The following CHD5 variants were observed in gnomAD, a reference collection of about 807,000 sequenced individuals.
CHD5 encodes the protein ATP-dependent chromatin remodeler CHD5.
Under a neutral mutation model 230.3 loss-of-function variants are expected in CHD5, and 69 were observed. That is an observed-to-expected ratio of 0.30 (90% confidence interval 0.25 to 0.37). CHD5 has a LOEUF of 0.37. Among genes scored for constraint, CHD5 ranks in the 10% least tolerant of loss-of-function variants. The pLI is 1.00. For synonymous variants in CHD5, 1,064 were observed against 1,065.9 expected, an observed-to-expected ratio of 1.00 and a Z score of 0.03; for missense variants, 1,827 against 2,622.8, an observed-to-expected ratio of 0.70 and a Z score of 6.63.
chr1:6,110,580 AG>A, intron 36 of CHD5, 54 bp from the exon 37 acceptor site: 1 of 831,714 alleles, frequency 1.2e-6, no homozygotes. Context: ...GTGGGGCCGT[AG>A]GGGGAGGCAG....
chr1:6,149,501 A>G (rs1666966885), intron 7 of CHD5, 89 bp from the exon 8 acceptor site: 2 of 1,340,772 alleles, frequency 1.5e-6, no homozygotes, highest in Non-Finnish European at 2.0e-6. Flanking sequence ...ACAGGCACAG[A>G]GTAGATGTCT....
intron 33 of CHD5, among the ~76,000 whole-genome samples, chr1:6,116,122 T>C (rs1395543317): frequency 6.6e-6 from 1 of 152,212 alleles, no homozygotes; most frequent in Non-Finnish European, 1.5e-5. Flanking sequence ...CTGTTTATTG[T>C]GGATTGCCTG....
rs568640264 is a variant in CHD5, at chr1:6,128,034, C to T, written c.3903+12G>A. The T allele has an allele frequency of 2.5e-6, 4 of 1,588,556 alleles. No homozygotes were observed. In the African/African-American group the frequency reaches 5.4e-5, roughly 21 times the overall value. ...GCGGGGCTGCGGATGGAGGGCGGGC[C>T]GGGGACCTTACCACGCCGTCCTCCT... On this transcript the variant is annotated intron_variant, in intron 25 of 41. Coordinates refer to ENST00000262450, the MANE Select transcript of CHD5 (RefSeq NM_015557.3). This position sits in a 1 kb window ranked among gnomAD's most constrained non-coding sequence, Gnocchi z 7.8.
Position 6,142,721 on chromosome 1 carries a change from G to A in CHD5, c.2044-116C>T, listed in dbSNP as rs1214326491. The stretch of plus-strand genomic sequence containing the variant: ...TGGAACACTCTTCCCACTCCTGTCT[G>A]TCTTCCTAACTCTTCTCCAGTTCTT... On this transcript the variant is annotated intron_variant, in intron 13 of 41. Coordinates refer to ENST00000262450, the MANE Select transcript of CHD5 (RefSeq NM_015557.3). The surrounding 1 kb of genome is among the most constrained non-coding windows in gnomAD (Gnocchi z 5.2). 6 of 1,152,972 alleles carry A rather than the reference G, an allele frequency of 5.2e-6. No homozygotes were observed. The African/African-American group carries it at 9.2e-5, about 18-fold the overall frequency. 71.4% of individuals were successfully genotyped at this position (1,152,972 alleles called of 1,614,324 possible).
At position 6,142,698 on chromosome 1, in the gene CHD5, G is replaced by A. The variant is rs147305320; in HGVS notation, c.2044-93C>T. 1,271 of 1,318,400 alleles carry A rather than the reference G, an allele frequency of 9.6e-4. 1 individual carries two copies. Among genetic ancestry groups the A allele is most frequent in the Non-Finnish European group, 1.2e-3 (1,203 of 965,320 alleles). 81.7% of individuals were successfully genotyped at this position (1,318,400 alleles called of 1,614,324 possible). Reference sequence around the variant, plus strand: ...TTGCACATGCAATTCCTTCTGCCTGGAACACTCTTCCCACTCCTGTCTGTC... The same window carrying A: ...TTGCACATGCAATTCCTTCTGCCTGAAACACTCTTCCCACTCCTGTCTGTC... On this transcript the variant is annotated intron_variant, in intron 13 of 41. Coordinates refer to ENST00000262450, the MANE Select transcript of CHD5 (RefSeq NM_015557.3). The surrounding 1 kb of genome is among the most constrained non-coding windows in gnomAD (Gnocchi z 5.2).
At chr1:6,107,723 GGAGGGAT>G (rs1474635553) in intron 38 of CHD5, among the ~76,000 whole-genome samples, 2 of 91,102 alleles carry the variant, frequency 2.2e-5, no homozygotes, top group African/African-American at 5.0e-5. Flanking sequence ...GAGGGATGAT[GGAGGGAT>G]GAGGGATGAT....
chr1:6,173,048 G>A (rs1266038985), intron 1 of CHD5, among the ~76,000 whole-genome samples: 1 of 151,930 alleles, frequency 6.6e-6, no homozygotes, highest in Admixed American at 6.5e-5. Flanking sequence ...AACCTGCCAA[G>A]GACAGGGACC....
intron 6 of CHD5, 91 bp from the exon 7 acceptor site, chr1:6,151,246 G>A: frequency 1.4e-6 from 2 of 1,392,958 alleles, no homozygotes; most frequent in Non-Finnish European, 1.9e-6. Context: ...AAGCACGGAA[G>A]AGGCTCTGGA....
At chr1:6,137,599 C>T (rs1445459810) in intron 15 of CHD5, among the ~76,000 whole-genome samples, 1 of 152,146 alleles carries the variant, frequency 6.6e-6, no homozygotes, top group Non-Finnish European at 1.5e-5. Context: ...TCCCAATGTA[C>T]TGGGAATACA....
intron 31 of CHD5, among the ~76,000 whole-genome samples, chr1:6,123,391 T>C (rs2100841207): frequency 6.6e-6 from 1 of 152,246 alleles, no homozygotes; most frequent in Non-Finnish European, 1.5e-5. Context: ...GTGGCGATGG[T>C]TGTACACCCT....
intron 38 of CHD5, among the ~76,000 whole-genome samples, chr1:6,107,537 G>GGATGATGAAGGGATGATGGAGA (rs1666205309): frequency 6.8e-6 from 1 of 147,624 alleles, no homozygotes; most frequent in Non-Finnish European, 1.5e-5. Flanking sequence ...AGAGATGGAG[G>GGATGATGAAGGGATGATGGAGA]GATGGAGGGA....
rs536169414 is a variant in CHD5, at chr1:6,134,385, A to G, written c.3013-126T>C. 5.1e-5 allele frequency: 62 copies of G among 1,205,346 alleles called. No individual in the cohort carries two copies. In the South Asian group the frequency reaches 7.7e-4, roughly 15 times the overall value. The allele number at this position is 1,205,346 out of a possible 1,614,324, so 74.7% of individuals were successfully genotyped here. A position where few individuals can be genotyped will look rare whatever the true frequency, so the allele number is the denominator to read the frequency against. ...GTGATGGCCTGTCTGCCCACTGAACATGAGACCCACACCCGAGCCAGGCCA... is the reference window on the plus strand; with the variant it reads ...GTGATGGCCTGTCTGCCCACTGAACGTGAGACCCACACCCGAGCCAGGCCA... On this transcript the variant is annotated intron_variant, in intron 19 of 41. Coordinates refer to ENST00000262450, the MANE Select transcript of CHD5 (RefSeq NM_015557.3). This position sits in a 1 kb window ranked among gnomAD's most constrained non-coding sequence, Gnocchi z 6.3.
chr1:6,161,242 C>T lies in CHD5; in HGVS notation c.208-1727G>A, dbSNP rs373273210. The stretch of plus-strand genomic sequence containing the variant: ...CCCAGCCCAACTCTGCCCTTTCAGG[C>T]CACACTGTCAAGAGGGGATGACCTG... On this transcript the variant is annotated intron_variant, in intron 2 of 41. Coordinates refer to ENST00000262450, the MANE Select transcript of CHD5 (RefSeq NM_015557.3). Among the ~76,000 whole-genome samples, 73 of 152,196 alleles carry T rather than the reference C, an allele frequency of 4.8e-4. 1 individual carries two copies. The South Asian group carries it at 0.015, about 30-fold the overall frequency.
intron 15 of CHD5, among the ~76,000 whole-genome samples, chr1:6,139,533 G>C (rs1462831022): frequency 6.7e-6 from 1 of 149,656 alleles, no homozygotes; most frequent in African/African-American, 2.5e-5. Context: ...CACCGTGCCC[G>C]GCTGATTTTT....
Position 6,146,492 on chromosome 1 carries a change from C to T in CHD5, c.1591-69G>A. On this transcript the variant is annotated intron_variant, in intron 10 of 41. Coordinates refer to ENST00000262450, the MANE Select transcript of CHD5 (RefSeq NM_015557.3). The surrounding 1 kb of genome is among the most constrained non-coding windows in gnomAD (Gnocchi z 5.1). The stretch of plus-strand genomic sequence containing the variant: ...TGGTCCCCTGCATCTCCCTACCCAG[C>T]TCCTCTAGCCCCAGCCCAGGTCCCA... 6.7e-7 allele frequency: 1 copy of T among 1,502,622 alleles called. No homozygotes were observed. Among genetic ancestry groups the T allele is most frequent in the Non-Finnish European group, 9.2e-7 (1 of 1,089,100 alleles). 93.1% of individuals were successfully genotyped at this position (1,502,622 alleles called of 1,614,324 possible).
rs113802592 is a variant in CHD5 at position 6,102,608 on chromosome 1, G to C, written c.*2866C>G. Reference sequence around the variant, plus strand: ...CACCTCCTTGGGCCTCAAGTGTCCTGGGATGACAGGAGTGAGGGCTGCAGG... The same window carrying C: ...CACCTCCTTGGGCCTCAAGTGTCCTCGGATGACAGGAGTGAGGGCTGCAGG... On this transcript the variant is annotated 3_prime_UTR_variant, in exon 42 of 42. Transcript: ENST00000262450. 2.0e-5 allele frequency: 3 copies of C among 152,400 alleles called. No homozygotes were observed. Among genetic ancestry groups the C allele is most frequent in the East Asian group, 1.9e-4 (1 of 5,188 alleles). 9.4% of individuals were successfully genotyped at this position (152,400 alleles called of 1,614,324 possible). A position where few individuals can be genotyped will look rare whatever the true frequency, so the allele number is the denominator to read the frequency against.
At chr1:6,171,103 C>T (rs1667331351) in intron 1 of CHD5, among the ~76,000 whole-genome samples, 1 of 152,252 alleles carries the variant, frequency 6.6e-6, no homozygotes, top group East Asian at 1.9e-4. Flanking sequence ...TTAGGAAACC[C>T]AGCCCAGCAC....
rs1160038179 is a variant in CHD5 at position 6,130,366 on chromosome 1, G to T, written c.3263-38C>A. 1 of 1,606,150 alleles carries T rather than the reference G, an allele frequency of 6.2e-7. No homozygotes were observed. Among genetic ancestry groups the T allele is most frequent in the South Asian group, 1.1e-5 (1 of 90,782 alleles). On this transcript the variant is annotated intron_variant, in intron 21 of 41. Transcript: ENST00000262450. The surrounding 1 kb of genome is among the most constrained non-coding windows in gnomAD (Gnocchi z 4.9). Reference sequence around the variant, plus strand: ...GGCCAGCAGATGGGAGTGTTTGGGGGGGTACACCTTGGGTGGGCAGAAAGG... The same window carrying T: ...GGCCAGCAGATGGGAGTGTTTGGGGTGGTACACCTTGGGTGGGCAGAAAGG...
intron 31 of CHD5, 69 bp downstream of exon 31, chr1:6,123,879 T>C (rs576746168): frequency 2.6e-5 from 31 of 1,176,498 alleles, no homozygotes; most frequent in Non-Finnish European, 3.2e-5. Context: ...TGGGTTAGAC[T>C]AGGGGTTTCT....
Sources: gnomAD v4.1 joint callset for allele counts (sites outside exome capture counted in the v4.1 genomes callset) on GRCh38, gnomAD v4.1.1 for gene constraint, Gnocchi (gnomAD v3.1) non-coding constraint, MANE v1.5 for transcripts, NCBI Gene and HGNC (gene_info 2026-07-23, HGNC 2026-07-21) for gene names.